The following LRRC4C variants were observed in gnomAD, a reference collection of about 807,000 sequenced individuals.
The protein encoded by LRRC4C is leucine-rich repeat-containing protein 4C.
LRRC4C carries 5 observed loss-of-function variants against 33.6 expected under a neutral mutation model. That is an observed-to-expected ratio of 0.15 (90% CI 0.08 to 0.31). LRRC4C has a LOEUF of 0.31. Ranked by LOEUF, LRRC4C falls within the 10% of genes least tolerant of loss-of-function variation. LRRC4C has a pLI of 1.00. For synonymous variants in LRRC4C, 329 were observed against 302.0 expected, an observed-to-expected ratio of 1.09 and a Z score of -0.93; for missense variants, 560 against 796.7, an observed-to-expected ratio of 0.70 and a Z score of 3.58.
At chr11:40,665,348 ATATATATATATATATG>A (rs1484815263) in intron 2 of LRRC4C, among the ~76,000 whole-genome samples, 2,110 of 20,006 alleles carry the variant, frequency 0.11, 71 homozygotes, top group Non-Finnish European at 0.14. Context: ...ATATATATAT[ATATATATATATATATG>A]TATATATATA....
At chr11:40,628,758 T>C (rs1271312870) in intron 3 of LRRC4C, among the ~76,000 whole-genome samples, 1 of 152,216 alleles carries the variant, frequency 6.6e-6, no homozygotes, top group Non-Finnish European at 1.5e-5. Context: ...CTATTGCCAC[T>C]TTCCAGATTT....
intron 3 of LRRC4C, among the ~76,000 whole-genome samples, chr11:40,433,683 G>T (rs1425161514): frequency 6.6e-6 from 1 of 152,188 alleles, no homozygotes; most frequent in Non-Finnish European, 1.5e-5. Context: ...TTACATATAT[G>T]TGTAGTTTTA....
At chr11:41,112,887 T>C (rs1255232410) in intron 1 of LRRC4C, among the ~76,000 whole-genome samples, 1 of 152,030 alleles carries the variant, frequency 6.6e-6, no homozygotes, top group African/African-American at 2.4e-5. Flanking sequence ...AAAAAACATA[T>C]ATGAGTAGGT....
chr11:40,441,730 A>T (rs1841515555), intron 3 of LRRC4C, among the ~76,000 whole-genome samples: 1 of 152,216 alleles, frequency 6.6e-6, no homozygotes, highest in Non-Finnish European at 1.5e-5. Context: ...TAATGTCTGT[A>T]CCCACCTACA....
At chr11:41,349,079 G>A (rs1951891593) in intron 1 of LRRC4C, among the ~76,000 whole-genome samples, 1 of 152,130 alleles carries the variant, frequency 6.6e-6, no homozygotes, top group Non-Finnish European at 1.5e-5. Flanking sequence ...GGGTCAGTCT[G>A]ATCTGAGTAC....
intron 1 of LRRC4C, among the ~76,000 whole-genome samples, chr11:41,110,889 C>G (rs561215029): frequency 6.6e-6 from 1 of 151,902 alleles, no homozygotes; most frequent in Non-Finnish European, 1.5e-5. Context: ...AGCAAGCATC[C>G]GAGTAACCTG....
chr11:40,183,127 C>T lies in LRRC4C; in HGVS notation c.-95-42274G>A, dbSNP rs1299176989. Among the ~76,000 whole-genome samples, 4 of 152,032 alleles carry T rather than the reference C, an allele frequency of 2.6e-5. No individual in the cohort carries two copies. The East Asian group carries it at 7.7e-4, about 29-fold the overall frequency. On this transcript the variant is annotated intron_variant, in intron 5 of 6. Coordinates refer to ENST00000528697, the MANE Select transcript of LRRC4C (RefSeq NM_001258419.2). ...AGATTTTTTAAAAAAATGTACCTTGCAAATTTGGTAACATCCAGGAAAATG... is the reference window on the plus strand; with the variant it reads ...AGATTTTTTAAAAAAATGTACCTTGTAAATTTGGTAACATCCAGGAAAATG...
At chr11:41,053,822 C>T (rs947434620) in intron 1 of LRRC4C, among the ~76,000 whole-genome samples, 9 of 152,150 alleles carry the variant, frequency 5.9e-5, no homozygotes, top group African/African-American at 2.2e-4. Flanking sequence ...AAATGTTAAA[C>T]TCTTCCCAAT....
chr11:41,328,914 T>C (rs1951207875), intron 1 of LRRC4C, among the ~76,000 whole-genome samples: 1 of 152,162 alleles, frequency 6.6e-6, no homozygotes, highest in South Asian at 2.1e-4. Context: ...TCCCATAAGT[T>C]TCAAGTGACT....
chr11:41,232,121 C>G (rs920085936), intron 1 of LRRC4C, among the ~76,000 whole-genome samples: 1 of 151,946 alleles, frequency 6.6e-6, no homozygotes, highest in African/African-American at 2.4e-5. Flanking sequence ...CTCAGCATCA[C>G]CTTCCAAATC....
At chr11:40,370,078 A>G (rs1948384652) in intron 3 of LRRC4C, among the ~76,000 whole-genome samples, 1 of 152,194 alleles carries the variant, frequency 6.6e-6, no homozygotes, top group South Asian at 2.1e-4. Flanking sequence ...AGGATGTTAT[A>G]AAAGTGATTC....
intron 1 of LRRC4C, among the ~76,000 whole-genome samples, chr11:41,152,597 A>G (rs1944049000): frequency 6.6e-6 from 1 of 152,214 alleles, no homozygotes; most frequent in African/African-American, 2.4e-5. Context: ...TATAAAATGT[A>G]CATATGGTAA....
At chr11:40,305,590 T>C (rs1404056046) in intron 4 of LRRC4C, among the ~76,000 whole-genome samples, 1 of 151,244 alleles carries the variant, frequency 6.6e-6, no homozygotes, top group Non-Finnish European at 1.5e-5. Flanking sequence ...TATCCAGTTG[T>C]ATTTACATTT....
intron 2 of LRRC4C, among the ~76,000 whole-genome samples, chr11:40,680,026 G>A (rs186317242): frequency 4.6e-5 from 7 of 152,236 alleles, no homozygotes; most frequent in African/African-American, 7.2e-5. Context: ...TAGGGGTGGC[G>A]CTACCCAAGA....
intron 1 of LRRC4C, among the ~76,000 whole-genome samples, chr11:41,375,544 G>T (rs1009838336): frequency 1.3e-5 from 2 of 152,136 alleles, no homozygotes; most frequent in Non-Finnish European, 2.9e-5. Context: ...TTCAGTGTGA[G>T]TTTCAGTCAT....
At chr11:40,116,417 G>A (rs1855439607) in intron 6 of LRRC4C, 83 bp from the exon 7 acceptor site, 1 of 1,363,560 alleles carries the variant, frequency 7.3e-7, no homozygotes, top group Non-Finnish European at 9.9e-7. Context: ...GTGATATAGT[G>A]TATCAGCTAA....
chr11:40,937,412 T>A (rs1181376356), intron 1 of LRRC4C, among the ~76,000 whole-genome samples: 2 of 152,032 alleles, frequency 1.3e-5, no homozygotes, highest in African/African-American at 4.8e-5. Flanking sequence ...AACCTCAGCA[T>A]CACAAAAGAT....
chr11:40,823,662 T>C (rs1952036952), intron 2 of LRRC4C, among the ~76,000 whole-genome samples: 1 of 151,768 alleles, frequency 6.6e-6, no homozygotes. Flanking sequence ...CAGCACAGCT[T>C]CTAACAAAAA....
chr11:41,154,487 C>T (rs1216216613), intron 1 of LRRC4C, among the ~76,000 whole-genome samples: 1 of 151,904 alleles, frequency 6.6e-6, no homozygotes, highest in Admixed American at 6.6e-5. Flanking sequence ...GCACAGTATC[C>T]AGTTATGAGT....
Sources: allele counts gnomAD v4.1 joint callset (sites outside exome capture counted in the v4.1 genomes callset), GRCh38; gene constraint gnomAD v4.1.1; transcripts MANE v1.5; gene names NCBI Gene and HGNC (gene_info 2026-07-23, HGNC 2026-07-21).